The following LPAR3 variants were observed in gnomAD, a reference collection of about 807,000 sequenced individuals.
The protein encoded by LPAR3 is lysophosphatidic acid receptor 3.
LPAR3 carries 7 observed loss-of-function variants against 17.8 expected under a neutral mutation model. That is an observed-to-expected ratio of 0.39 (90% CI 0.22 to 0.74). The LOEUF (loss-of-function observed/expected upper bound fraction) is 0.74, where lower values mean the gene tolerates loss of function less well. Among genes scored for constraint, LPAR3 ranks in the 30% least tolerant of loss-of-function variants. The pLI, the probability that LPAR3 is intolerant of heterozygous loss-of-function variation, is 0.40. For missense variants in LPAR3, 391 were observed against 453.4 expected (o/e 0.86, Z 1.25); for synonymous variants, 179 against 179.9 (o/e 0.99, Z 0.04).
chr1:84,869,683 A>G (rs949610176), intron 1 of LPAR3, among the ~76,000 whole-genome samples: 2 of 152,220 alleles, frequency 1.3e-5, no homozygotes, highest in East Asian at 1.9e-4. Flanking sequence ...AATTTTTTCC[A>G]TCTACCACAT....
intron 2 of LPAR3, among the ~76,000 whole-genome samples, chr1:84,857,069 C>T (rs914949602): frequency 2.0e-5 from 3 of 152,108 alleles, no homozygotes; most frequent in Non-Finnish European, 4.4e-5. Context: ...TCAAGGCAGC[C>T]TCTGCAAAGC....
intron 2 of LPAR3, among the ~76,000 whole-genome samples, chr1:84,823,553 A>G (rs1659097196): frequency 1.3e-5 from 2 of 152,290 alleles, no homozygotes; most frequent in South Asian, 4.1e-4. Context: ...TACTTGTTTT[A>G]AACTTGTGGC....
chr1:84,844,533 C>A (rs1329452137), intron 2 of LPAR3, among the ~76,000 whole-genome samples: 1 of 152,092 alleles, frequency 6.6e-6, no homozygotes, highest in Non-Finnish European at 1.5e-5. Flanking sequence ...CAAAAATAGA[C>A]CCAGGAATGC....
chr1:84,865,512 A>T lies in LPAR3; in HGVS notation c.609T>A (p.Val203=). The T allele has an allele frequency of 6.2e-7, 1 of 1,614,192 alleles. No homozygotes were observed. Among genetic ancestry groups the T allele is most frequent in the South Asian group, 1.1e-5 (1 of 91,078 alleles). The change falls in exon 2 of 3, where the codon GTT becomes GTA. Residue 203 remains valine, a synonymous_variant. Coordinates refer to ENST00000370611, the MANE Select transcript of LPAR3 (RefSeq NM_012152.3). ...ACACGTAGATCCGCAGGTACACCAC[A>T]ACCATGATGAGGAAGGCCATGAGGT... ...VSNLMAFLIM[V]VVYLRIYVYV...
rs894481413 is a variant in LPAR3 at position 84,853,564 on chromosome 1, C to T, written c.736+11821G>A. On this transcript the variant is annotated intron_variant, in intron 2 of 2. Coordinates refer to ENST00000370611, the MANE Select transcript of LPAR3 (RefSeq NM_012152.3). The stretch of plus-strand genomic sequence containing the variant: ...GCCTCCTGCCAGATTTCCATAAGCT[C>T]ACGCCCCACTGGCCTGCTTCTCTTC... Among the ~76,000 whole-genome samples, 4 of 152,170 alleles carry T rather than the reference C, an allele frequency of 2.6e-5. No homozygotes were observed. The East Asian group carries it at 5.8e-4, about 22-fold the overall frequency.
At chr1:84,845,904 A>G (rs985116613) in intron 2 of LPAR3, among the ~76,000 whole-genome samples, 3 of 152,196 alleles carry the variant, frequency 2.0e-5, no homozygotes, top group Admixed American at 6.5e-5. Flanking sequence ...TACTAGCAAT[A>G]TATACAAACA....
intron 2 of LPAR3, among the ~76,000 whole-genome samples, chr1:84,821,725 G>C (rs150565007): frequency 5.6e-4 from 85 of 152,256 alleles, no homozygotes; most frequent in Admixed American, 1.4e-3. Context: ...AAACTATCAG[G>C]ATCTGAAAAA....
chr1:84,823,306 T>C (rs1201487522), intron 2 of LPAR3, among the ~76,000 whole-genome samples: 1 of 152,194 alleles, frequency 6.6e-6, no homozygotes, highest in East Asian at 1.9e-4. Context: ...TGGTATGCAG[T>C]CAAATTCATA....
chr1:84,859,834 T>C (rs1157377932), intron 2 of LPAR3, among the ~76,000 whole-genome samples: 1 of 152,230 alleles, frequency 6.6e-6, no homozygotes, highest in East Asian at 1.9e-4. Flanking sequence ...GTCCAGCCCA[T>C]TTTCTGGGAA....
chr1:84,818,425 A>G (rs931795535), intron 2 of LPAR3, among the ~76,000 whole-genome samples: 8 of 152,236 alleles, frequency 5.3e-5, no homozygotes, highest in African/African-American at 1.7e-4. Flanking sequence ...ACAAAAAATC[A>G]CATTAAAAAT....
intron 1 of LPAR3, among the ~76,000 whole-genome samples, chr1:84,879,309 C>CTTTTTTTT (rs1199196149): frequency 2.7e-5 from 2 of 73,496 alleles, no homozygotes; most frequent in African/African-American, 1.6e-4. Flanking sequence ...CTTTTCTTTT[C>CTTTTTTTT]TTTTTTCTTT....
intron 2 of LPAR3, among the ~76,000 whole-genome samples, chr1:84,822,325 C>T (rs1017379866): frequency 6.6e-6 from 1 of 151,894 alleles, no homozygotes; most frequent in South Asian, 2.1e-4. Flanking sequence ...GAGTTGTACT[C>T]AAAAATCAAT....
intron 2 of LPAR3, among the ~76,000 whole-genome samples, chr1:84,825,152 C>T (rs1659132774): frequency 6.6e-6 from 1 of 152,158 alleles, no homozygotes; most frequent in Non-Finnish European, 1.5e-5. Flanking sequence ...TCATAGCTTC[C>T]TTTAGTCACA....
At chr1:84,852,693 G>A (rs17369470) in intron 2 of LPAR3, among the ~76,000 whole-genome samples, 12,085 of 152,098 alleles carry the variant, frequency 0.079, 592 homozygotes, top group Middle Eastern at 0.15. Context: ...AAAGAACTTG[G>A]GGACCCAAAG....
intron 2 of LPAR3, among the ~76,000 whole-genome samples, chr1:84,855,706 G>A (rs1447409940): frequency 6.6e-6 from 1 of 152,154 alleles, no homozygotes; most frequent in Non-Finnish European, 1.5e-5. Flanking sequence ...GAAGTAAGAG[G>A]GCAGGGCAGT....
At chr1:84,850,393 C>CAAAAAAAA (rs561506398) in intron 2 of LPAR3, among the ~76,000 whole-genome samples, 6 of 38,714 alleles carry the variant, frequency 1.5e-4, no homozygotes, top group African/African-American at 3.4e-4. Context: ...TCTGTCTCTA[C>CAAAAAAAA]AAAAAAAAAA....
chr1:84,829,180 T>TTG (rs1553146936), intron 2 of LPAR3, among the ~76,000 whole-genome samples: 11 of 123,842 alleles, frequency 8.9e-5, no homozygotes, highest in Admixed American at 1.7e-4. Flanking sequence ...TTTTTTTTTT[T>TTG]GCTTATTGGT....
intron 2 of LPAR3, among the ~76,000 whole-genome samples, chr1:84,863,558 C>T (rs1026204685): frequency 3.3e-5 from 5 of 152,196 alleles, no homozygotes; most frequent in African/African-American, 1.2e-4. Context: ...CACTGGAGGG[C>T]CTGCCCTACG....
chr1:84,871,214 A>G (rs1660154323), intron 1 of LPAR3, among the ~76,000 whole-genome samples: 1 of 152,226 alleles, frequency 6.6e-6, no homozygotes, highest in South Asian at 2.1e-4. Context: ...AATTACCACA[A>G]CTTCAAACTT....
Sources: gnomAD v4.1 joint callset for allele counts (sites outside exome capture counted in the v4.1 genomes callset) on GRCh38, gnomAD v4.1.1 for gene constraint, MANE v1.5 for transcripts, NCBI Gene and HGNC (gene_info 2026-07-23, HGNC 2026-07-21) for gene names.